The following TMEM132B variants were observed in gnomAD, a reference collection of about 807,000 sequenced individuals.
TMEM132B encodes the protein transmembrane protein 132B.
A neutral mutation model predicts 90.8 loss-of-function variants in TMEM132B; 18 were observed. The observed-to-expected ratio is 0.20, with a 90% CI of 0.14 to 0.29. The LOEUF (loss-of-function observed/expected upper bound fraction) is 0.29. Among genes scored for constraint, TMEM132B ranks in the 10% least tolerant of loss-of-function variants. The pLI, the probability that TMEM132B is intolerant of heterozygous loss-of-function variation, is 1.00. For synonymous variants in TMEM132B, 504 were observed against 523.3 expected, an observed-to-expected ratio of 0.96 and a Z score of 0.50; for missense variants, 1,096 against 1,326.8, an observed-to-expected ratio of 0.83 and a Z score of 2.70.
intron 3 of TMEM132B, among the ~76,000 whole-genome samples, chr12:125,431,571 T>A (rs1390029081): frequency 7.7e-6 from 1 of 130,028 alleles, no homozygotes; most frequent in Non-Finnish European, 1.6e-5. Flanking sequence ...ATAAACCAGG[T>A]CTTCCTGTGG....
chr12:125,522,156 C>A (rs928510538), intron 4 of TMEM132B, among the ~76,000 whole-genome samples: 19 of 152,172 alleles, frequency 1.2e-4, no homozygotes, highest in African/African-American at 4.3e-4. Flanking sequence ...CGTGGAGAGG[C>A]TTCTCCTGGT....
At chr12:125,335,755 G>A (rs1228459486) in intron 1 of TMEM132B, among the ~76,000 whole-genome samples, 1 of 152,216 alleles carries the variant, frequency 6.6e-6, no homozygotes, top group African/African-American at 2.4e-5. Context: ...GGGCAGCTGA[G>A]GTGAGAGGAT....
chr12:125,187,648 G>A (rs538081022), intron 1 of TMEM132B, among the ~76,000 whole-genome samples: 1 of 152,354 alleles, frequency 6.6e-6, no homozygotes, highest in African/African-American at 2.4e-5. Context: ...ATCCTAGTGA[G>A]TGGGAAAAGC....
chr12:125,436,810 G>A (rs1030092830), intron 3 of TMEM132B, among the ~76,000 whole-genome samples: 1 of 152,142 alleles, frequency 6.6e-6, no homozygotes, highest in African/African-American at 2.4e-5. Flanking sequence ...CACCTCCCTG[G>A]AACATAGAAC....
chr12:125,307,563 C>CTAT (rs1397808688), intron 1 of TMEM132B, among the ~76,000 whole-genome samples: 1 of 151,656 alleles, frequency 6.6e-6, no homozygotes, highest in African/African-American at 2.4e-5. Flanking sequence ...ATAGGGTGTG[C>CTAT]TATTATTATT....
At chr12:125,217,399 A>G (rs1415602639) in intron 1 of TMEM132B, among the ~76,000 whole-genome samples, 2 of 152,166 alleles carry the variant, frequency 1.3e-5, no homozygotes, top group African/African-American at 2.4e-5. Context: ...GGGATGGGGT[A>G]TAGATGTAGA....
At position 125,642,607 on chromosome 12, in the gene TMEM132B, A is replaced by G. The variant is rs568340609; in HGVS notation, c.1438-1469A>G. ...TCTGACAGGATAGGAAAGGGGCTCC[A>G]AAAATGAACTTAGCCAGACTCCAGT... On this transcript the variant is annotated intron_variant, in intron 5 of 8. Coordinates refer to ENST00000682704, the MANE Select transcript of TMEM132B (RefSeq NM_001366854.1). 9.1e-4 allele frequency among the ~76,000 whole-genome samples: 139 copies of G among 152,324 alleles called. 2 individuals are homozygous for G. The South Asian group carries it at 0.02, about 22-fold the overall frequency.
intron 6 of TMEM132B, among the ~76,000 whole-genome samples, chr12:125,648,602 G>A (rs996399904): frequency 6.8e-6 from 1 of 147,698 alleles, no homozygotes; most frequent in African/African-American, 2.5e-5. Context: ...GAAATTAAAA[G>A]TTTAAATAAA....
intron 2 of TMEM132B, among the ~76,000 whole-genome samples, chr12:125,391,593 A>G (rs1393879590): frequency 6.6e-6 from 1 of 152,118 alleles, no homozygotes; most frequent in African/African-American, 2.4e-5. Flanking sequence ...GGGAGCCACC[A>G]TGTGGGATGT....
chr12:125,589,211 G>A (rs1020073045), intron 5 of TMEM132B, among the ~76,000 whole-genome samples: 13 of 152,046 alleles, frequency 8.6e-5, no homozygotes, highest in South Asian at 2.1e-4. Flanking sequence ...GGCCGGGCAC[G>A]GTGGCTCACG....
chr12:125,417,798 C>G (rs1014485535), intron 3 of TMEM132B, among the ~76,000 whole-genome samples: 20 of 152,280 alleles, frequency 1.3e-4, no homozygotes, highest in African/African-American at 4.6e-4. Context: ...AAGCTGCTGT[C>G]CCCAGATAGG....
rs112042358 is a variant in TMEM132B, at chr12:125,582,568, A to G, written c.1294-1283A>G. 6.5e-3 allele frequency among the ~76,000 whole-genome samples: 995 copies of G among 152,236 alleles called. 13 individuals are homozygous for G. The highest frequency in any genetic ancestry group is 0.02 in the African/African-American group (847 of 41,528). On this transcript the variant is annotated intron_variant, in intron 4 of 8. Coordinates refer to ENST00000682704, the MANE Select transcript of TMEM132B (RefSeq NM_001366854.1). ...GCTGGGCTGTGTTGCCCAGGTGTCT[A>G]CCATCTTCTCTGGTTGACTCTCTTT...
intron 3 of TMEM132B, among the ~76,000 whole-genome samples, chr12:125,503,369 G>T (rs1882746777): frequency 6.6e-6 from 1 of 152,188 alleles, no homozygotes; most frequent in African/African-American, 2.4e-5. Context: ...GTGCAGCCTG[G>T]CTCAGCCACC....
At chr12:125,520,408 C>G (rs537295852) in intron 4 of TMEM132B, among the ~76,000 whole-genome samples, 2 of 152,238 alleles carry the variant, frequency 1.3e-5, no homozygotes, top group Non-Finnish European at 1.5e-5. Context: ...CTAGAAAAAT[C>G]TGTGGGTGCT....
At chr12:125,531,175 C>G (rs1351231811) in intron 4 of TMEM132B, among the ~76,000 whole-genome samples, 3 of 151,906 alleles carry the variant, frequency 2.0e-5, no homozygotes, top group Non-Finnish European at 4.4e-5. Flanking sequence ...TTTTTCTTTT[C>G]TTTTTGTTTT....
At chr12:125,590,245 C>A (rs1885286078) in intron 5 of TMEM132B, among the ~76,000 whole-genome samples, 1 of 152,134 alleles carries the variant, frequency 6.6e-6, no homozygotes, top group Non-Finnish European at 1.5e-5. Flanking sequence ...CAAGAATGGC[C>A]TAACACAACG....
chr12:125,365,616 C>A (rs1219991356), intron 2 of TMEM132B, among the ~76,000 whole-genome samples: 2 of 151,836 alleles, frequency 1.3e-5, no homozygotes, highest in Admixed American at 6.6e-5. Context: ...CCTTTAGTCT[C>A]TTTTATCTGA....
chr12:125,384,223 G>A (rs977792822), intron 2 of TMEM132B, among the ~76,000 whole-genome samples: 10 of 152,096 alleles, frequency 6.6e-5, no homozygotes, highest in African/African-American at 1.9e-4. Flanking sequence ...GATTACAGGC[G>A]TGAGCCATCA....
chr12:125,273,162 CT>C (rs751405657), intron 1 of TMEM132B, among the ~76,000 whole-genome samples: 39 of 152,024 alleles, frequency 2.6e-4, no homozygotes, highest in Non-Finnish European at 4.7e-4. Flanking sequence ...ACACATATAT[CT>C]CTATTTATCT....
Sources: gnomAD v4.1 joint callset for allele counts (sites outside exome capture counted in the v4.1 genomes callset) on GRCh38, gnomAD v4.1.1 for gene constraint, MANE v1.5 for transcripts, NCBI Gene and HGNC (gene_info 2026-07-23, HGNC 2026-07-21) for gene names.